Variants in NLRP2 observed in about 807,000 individuals in gnomAD.
NLRP2 encodes NACHT, LRR and PYD domains-containing protein 2.
Under a neutral mutation model 97.2 loss-of-function variants are expected in NLRP2, and 107 were observed. The ratio of observed to expected loss-of-function variants is 1.10; its 90% CI spans 0.94 to 1.29. The LOEUF is 1.29. NLRP2 is among the 50% of genes most tolerant of loss of function. NLRP2 has a pLI of 0.00. For synonymous variants in NLRP2, 663 were observed against 551.5 expected, an observed-to-expected ratio of 1.20 and a Z score of -2.83; for missense variants, 1,495 against 1,330.3, an observed-to-expected ratio of 1.12 and a Z score of -1.93.
chr19:54,982,813 T>C lies in NLRP2; in HGVS notation c.1115T>C (p.Phe372Ser), dbSNP rs2146434352. 1 of 1,613,818 alleles carries C rather than the reference T, an allele frequency of 6.2e-7. No individual in the cohort carries two copies. Among genetic ancestry groups the C allele is most frequent in the Middle Eastern group, 1.7e-4 (1 of 5,928 alleles). The change falls in exon 6 of 13, where the codon TTT (phenylalanine) becomes TCT (serine). Residue 372 changes from phenylalanine to serine, a missense_variant. Phe to Ser is a radical substitution (Grantham distance 155, BLOSUM62 -2). Coordinates refer to ENST00000448584, the MANE Select transcript of NLRP2 (RefSeq NM_017852.5). ...AGGAGGGCCTATTTCCTGAGACACT[T>C]TGGAGACGAGGACCAAGCCATGCGT... ...EDRRAYFLRH[F>S]GDEDQAMRAF...
In NLRP2 at chr19:54,983,230, C is replaced by T. The variant is rs1464742024; in HGVS notation, c.1532C>T (p.Thr511Ile). 21 of 1,613,938 alleles carry T rather than the reference C, an allele frequency of 1.3e-5. No individual in the cohort carries two copies. Among genetic ancestry groups the T allele is most frequent in the Non-Finnish European group, 1.4e-5 (17 of 1,179,982 alleles). Reference protein sequence around the residue: ...FIHLSFQQFLTALFYTLEKEE... With the variant: ...FIHLSFQQFLIALFYTLEKEE... Reference sequence around the variant, plus strand: ...CACCTCAGCTTCCAGCAGTTTCTCACTGCCCTGTTCTACACCCTGGAGAAG... The same window carrying T: ...CACCTCAGCTTCCAGCAGTTTCTCATTGCCCTGTTCTACACCCTGGAGAAG... The change falls in exon 6 of 13, where the codon ACT (threonine) becomes ATT (isoleucine). Residue 511 changes from threonine to isoleucine, a missense_variant. Transcript: ENST00000448584.
intron 3 of NLRP2, among the ~76,000 whole-genome samples, chr19:54,977,440 G>A (rs1312007870): frequency 1.3e-5 from 2 of 151,204 alleles, no homozygotes; most frequent in South Asian, 2.1e-4. Context: ...AGAAAAACTA[G>A]GCAGTTAATC....
intron 8 of NLRP2, among the ~76,000 whole-genome samples, chr19:54,986,877 GTTTTTTCTTTTTC>G (rs770831123): frequency 4.0e-5 from 6 of 150,676 alleles, no homozygotes; most frequent in Non-Finnish European, 7.4e-5. Flanking sequence ...TTTGGTTTTG[GTTTTTTCTTTTTC>G]TTTTTTCTTT....
intron 12 of NLRP2, among the ~76,000 whole-genome samples, chr19:54,999,042 A>ACCCCCCCAACCACCCTCCCGGACG (rs1337867779): frequency 7.3e-6 from 1 of 136,100 alleles, no homozygotes; most frequent in African/African-American, 2.7e-5. Flanking sequence ...CCTCCCGGAC[A>ACCCCCCCAACCACCCTCCCGGACG]GGGCGGCTGG....
At chr19:54,992,488 G>C (rs1367816148) in intron 10 of NLRP2, among the ~76,000 whole-genome samples, 2 of 129,834 alleles carry the variant, frequency 1.5e-5, no homozygotes, top group African/African-American at 5.9e-5. Context: ...TGAATGTCTA[G>C]TTTTTTTGGT....
At chr19:54,989,923 G>A (rs549470718) in intron 8 of NLRP2, 99 bp from the exon 9 acceptor site, 23 of 1,297,876 alleles carry the variant, frequency 1.8e-5, no homozygotes, top group African/African-American at 1.7e-4. Flanking sequence ...CCCAGGAGGC[G>A]GAGGTTGCTG....
chr19:54,975,012 G>T (rs754753404), intron 3 of NLRP2, among the ~76,000 whole-genome samples: 1 of 151,222 alleles, frequency 6.6e-6, no homozygotes, highest in East Asian at 1.9e-4. Flanking sequence ...TGATGGCCAG[G>T]CTGGTCTTGA....
At chr19:54,993,820 C>A (rs115395449) in intron 10 of NLRP2, 1 of 274,668 alleles carries the variant, frequency 3.6e-6, no homozygotes, top group South Asian at 4.1e-5. Context: ...AGTGAGCCAC[C>A]GTGCCAGCTG....
intron 12 of NLRP2, among the ~76,000 whole-genome samples, chr19:54,998,834 TCTTAAC>T (rs1462209680): frequency 7.3e-5 from 11 of 150,882 alleles, no homozygotes; most frequent in African/African-American, 2.7e-4. Context: ...TGGTGATGAC[TCTTAAC>T]GAGCGTGCTG....
chr19:54,972,135 C>G (rs2070899854), intron 2 of NLRP2, among the ~76,000 whole-genome samples: 1 of 151,668 alleles, frequency 6.6e-6, no homozygotes, highest in African/African-American at 2.4e-5. Context: ...AGCCACCGCA[C>G]CCAGCCAGCA....
chr19:54,987,495 C>T (rs993292173), intron 8 of NLRP2, among the ~76,000 whole-genome samples: 1 of 152,042 alleles, frequency 6.6e-6, no homozygotes, highest in African/African-American at 2.4e-5. Flanking sequence ...CAGTGGCTCA[C>T]GCCTGGGAGG....
In NLRP2 at chr19:54,994,431, A is replaced by T. The variant is rs755589146; in HGVS notation, c.2871A>T (p.Arg957Ser). ...EALRKPLCNL[R>S]CLWLWGCSIP... ...TGAGGAAACCACTGTGCAACTTGAGATGTCTGTGGTGAGTTAACTTATAAG... is the reference window on the plus strand; with the variant it reads ...TGAGGAAACCACTGTGCAACTTGAGTTGTCTGTGGTGAGTTAACTTATAAG... The change falls in exon 11 of 13, where the codon AGA becomes AGT. Residue 957 changes from arginine to serine, a missense_variant. Arg to Ser is a moderately radical substitution (Grantham distance 110). Transcript: ENST00000448584. The T allele has an allele frequency of 6.2e-7, 1 of 1,612,664 alleles. No homozygotes were observed. The highest frequency in any genetic ancestry group is 8.5e-7 in the Non-Finnish European group (1 of 1,179,962).
chr19:54,981,509 G>GCACCCCCC, intron 4 of NLRP2, 108 bp from the exon 5 acceptor site: 1 of 386,504 alleles, frequency 2.6e-6, no homozygotes. Context: ...CTGATCCCGT[G>GCACCCCCC]CCCCCCCTCC....
chr19:54,996,037 CAAAAAAAA>C (rs544759995), intron 11 of NLRP2, among the ~76,000 whole-genome samples: 2 of 73,338 alleles, frequency 2.7e-5, no homozygotes, highest in African/African-American at 1.1e-4. Context: ...GATCCTGTCT[CAAAAAAAA>C]AAAAAAAACA....
At chr19:54,992,574 G>GTTTTTTTTTTTTTT (rs71181722) in intron 10 of NLRP2, among the ~76,000 whole-genome samples, 1 of 95,002 alleles carries the variant, frequency 1.1e-5, no homozygotes. Flanking sequence ...TTTTTTTTTG[G>GTTTTTTTTTTTTTT]TTTTTTTTTT....
intron 6 of NLRP2, among the ~76,000 whole-genome samples, chr19:54,984,110 T>TC (rs35001602): frequency 0.2 from 30,389 of 151,852 alleles, 3,518 homozygotes; most frequent in Non-Finnish European, 0.26. Context: ...TGCCTCAGCC[T>TC]CCAAAGTGGG....
Position 54,982,368 on chromosome 19 carries a change from C to G in NLRP2, c.670C>G (p.Gln224Glu). ...PAGLGKTTLA[Q>E]KLMLDWAEDN... is the part of the protein sequence containing the mutation. ...AGGCCTTGGGAAAACCACGCTGGCCCAGAAACTAATGCTAGACTGGGCAGA... is the reference window on the plus strand; with the variant it reads ...AGGCCTTGGGAAAACCACGCTGGCCGAGAAACTAATGCTAGACTGGGCAGA... The change falls in exon 6 of 13, where the codon CAG (glutamine) becomes GAG (glutamate). Residue 224 changes from glutamine (Q) to glutamate (E), a missense_variant. Gln to Glu is a conservative substitution (Grantham distance 29, BLOSUM62 2). Coordinates refer to ENST00000448584, the MANE Select transcript of NLRP2 (RefSeq NM_017852.5). 6.2e-7 allele frequency: 1 copy of G among 1,614,102 alleles called. No homozygotes were observed. The highest frequency in any genetic ancestry group is 8.5e-7 in the Non-Finnish European group (1 of 1,180,026).
chr19:54,974,039 A>C (rs1185805656), intron 2 of NLRP2: 2 of 1,231,258 alleles, frequency 1.6e-6, no homozygotes, highest in Non-Finnish European at 2.4e-6. Flanking sequence ...GCCCAACTGC[A>C]GATCTAAGAA....
At chr19:54,974,673 GC>G in intron 3 of NLRP2, 129 bp downstream of exon 3, 2 of 747,354 alleles carry the variant, frequency 2.7e-6, no homozygotes, top group Non-Finnish European at 4.7e-6. Context: ...TGCTCCCAGG[GC>G]GGAGCTGGTC....
Sources: gnomAD v4.1 joint callset for allele counts (sites outside exome capture counted in the v4.1 genomes callset) on GRCh38, gnomAD v4.1.1 for gene constraint, MANE v1.5 for transcripts, NCBI Gene and HGNC (gene_info 2026-07-23, HGNC 2026-07-21) for gene names.